The following IQGAP2 variants were observed in gnomAD, a reference collection of about 807,000 sequenced individuals.
IQGAP2 encodes the protein IQ motif containing GTPase activating protein 2.
A neutral mutation model predicts 201.3 loss-of-function variants in IQGAP2; 173 were observed. The observed-to-expected ratio is 0.86, with a 90% CI of 0.76 to 0.98. The LOEUF is 0.98. Among genes scored for constraint, IQGAP2 ranks in the 50% least tolerant of loss-of-function variants. The pLI is 0.00. For missense variants in IQGAP2, 1,687 were observed against 1,864.8 expected (o/e 0.90, Z 1.76); for synonymous variants, 675 against 673.9 (o/e 1.00, Z -0.03).
chr5:76,638,357 C>T (rs1031175608), intron 16 of IQGAP2, among the ~76,000 whole-genome samples: 3 of 151,998 alleles, frequency 2.0e-5, no homozygotes, highest in Admixed American at 2.0e-4. Flanking sequence ...CCAGCCTGGG[C>T]GACAAGAGCT....
intron 30 of IQGAP2, among the ~76,000 whole-genome samples, chr5:76,686,123 A>G (rs1421894440): frequency 2.0e-5 from 3 of 152,126 alleles, no homozygotes; most frequent in African/African-American, 7.2e-5. Context: ...AGAAATGTCT[A>G]TTTAACTCCT....
intron 14 of IQGAP2, 142 bp from the exon 15 acceptor site, chr5:76,631,717 C>T (rs1295751447): frequency 1.9e-6 from 1 of 539,542 alleles, no homozygotes; most frequent in East Asian, 3.2e-5. Flanking sequence ...TTGTGATTGT[C>T]TTGGGCATAT....
rs1245623590 is a variant in IQGAP2, at chr5:76,673,566, C to T, written c.3186C>T (p.Ile1062=). 2.5e-6 allele frequency: 4 copies of T among 1,613,854 alleles called. No homozygotes were observed. Among genetic ancestry groups the T allele is most frequent in the Non-Finnish European group, 3.4e-6 (4 of 1,179,882 alleles). ...RRVTDKVLNS[I]ISSLDLLPYG... is the part of the protein sequence containing the mutation. ...TCACCGACAAAGTCCTGAATTCTAT[C>T]ATTTCTTCCCTTGATCTACTGCCGT... Residue 1062 remains isoleucine, a synonymous_variant, in exon 25 of 36, where the codon ATC becomes ATT. Transcript: ENST00000274364.
At chr5:76,608,203 C>T (rs1441647248) in intron 12 of IQGAP2, 1 of 152,112 alleles carries the variant, frequency 6.6e-6, no homozygotes, top group East Asian at 1.9e-4. Context: ...ATCAAGGTAA[C>T]AGCACTACTA....
At chr5:76,521,065 TTA>T (rs908284267) in intron 2 of IQGAP2, among the ~76,000 whole-genome samples, 1 of 152,234 alleles carries the variant, frequency 6.6e-6, no homozygotes, top group African/African-American at 2.4e-5. Context: ...TTTATAGTTT[TTA>T]TCTCTCTTTA....
intron 10 of IQGAP2, 83 bp from the exon 11 acceptor site, chr5:76,600,729 G>A: frequency 6.7e-7 from 1 of 1,495,478 alleles, no homozygotes; most frequent in South Asian, 1.3e-5. Flanking sequence ...TTTGTTGTTT[G>A]TTGAAATGTG....
At chr5:76,519,399 T>C (rs932259446) in intron 2 of IQGAP2, among the ~76,000 whole-genome samples, 10 of 152,246 alleles carry the variant, frequency 6.6e-5, no homozygotes, top group Non-Finnish European at 1.5e-4. Context: ...TCCTTTTTAT[T>C]GCTGGATAGT....
At chr5:76,463,364 A>T (rs1214281385) in intron 2 of IQGAP2, among the ~76,000 whole-genome samples, 1 of 152,168 alleles carries the variant, frequency 6.6e-6, no homozygotes, top group African/African-American at 2.4e-5. Flanking sequence ...TTACACAAGC[A>T]GCTTGACCTT....
intron 30 of IQGAP2, among the ~76,000 whole-genome samples, chr5:76,687,466 G>A (rs1350731454): frequency 1.3e-5 from 2 of 152,156 alleles, no homozygotes; most frequent in Admixed American, 6.5e-5. Flanking sequence ...GCATTGACAG[G>A]GAACCTGAAA....
At chr5:76,579,588 A>G (rs1164633742) in intron 5 of IQGAP2, among the ~76,000 whole-genome samples, 2 of 152,150 alleles carry the variant, frequency 1.3e-5, no homozygotes, top group Admixed American at 6.5e-5. Flanking sequence ...GCATTGTATA[A>G]TCCATTGTCC....
At chr5:76,460,065 T>C (rs1420593811) in intron 1 of IQGAP2, among the ~76,000 whole-genome samples, 3 of 152,126 alleles carry the variant, frequency 2.0e-5, no homozygotes, top group African/African-American at 7.2e-5. Flanking sequence ...CCCTGACAAA[T>C]TGGCAGGAGA....
At chr5:76,527,651 CT>C (rs1292360137) in intron 2 of IQGAP2, among the ~76,000 whole-genome samples, 2 of 152,320 alleles carry the variant, frequency 1.3e-5, no homozygotes, top group Admixed American at 1.3e-4. Flanking sequence ...GGTATCAGGA[CT>C]TTACAAGGTT....
chr5:76,533,304 A>G (rs1419048562), intron 2 of IQGAP2, among the ~76,000 whole-genome samples: 1 of 152,180 alleles, frequency 6.6e-6, no homozygotes, highest in African/African-American at 2.4e-5. Context: ...GGGATGGTGC[A>G]GTAGAATGTT....
chr5:76,626,995 C>T (rs564031517), intron 13 of IQGAP2, among the ~76,000 whole-genome samples: 1 of 151,916 alleles, frequency 6.6e-6, no homozygotes, highest in Non-Finnish European at 1.5e-5. Flanking sequence ...GCCCCGCCAT[C>T]CCTGAGAAGG....
At chr5:76,426,476 C>G (rs1476602204) in intron 1 of IQGAP2, among the ~76,000 whole-genome samples, 1 of 152,210 alleles carries the variant, frequency 6.6e-6, no homozygotes. Context: ...CCACAGCATT[C>G]CAGAAAAGGG....
intron 2 of IQGAP2, among the ~76,000 whole-genome samples, chr5:76,487,469 A>G (rs913174264): frequency 3.3e-5 from 5 of 152,156 alleles, no homozygotes; most frequent in Admixed American, 6.5e-5. Context: ...GTAAGAAAAA[A>G]GTTTATCTTT....
At chr5:76,482,113 C>T (rs2150145653) in intron 2 of IQGAP2, among the ~76,000 whole-genome samples, 1 of 152,270 alleles carries the variant, frequency 6.6e-6, no homozygotes, top group Non-Finnish European at 1.5e-5. Context: ...CAAGTACTTA[C>T]GCAAATACAA....
chr5:76,517,605 A>C (rs538193185), intron 2 of IQGAP2, among the ~76,000 whole-genome samples: 1 of 93,762 alleles, frequency 1.1e-5, no homozygotes, highest in South Asian at 2.9e-4. Context: ...ACCCTGTTTC[A>C]AAAAAAAAAA....
intron 1 of IQGAP2, among the ~76,000 whole-genome samples, chr5:76,440,087 CTT>C (rs1752945085): frequency 6.6e-6 from 1 of 152,192 alleles, no homozygotes; most frequent in South Asian, 2.1e-4. Flanking sequence ...CTGGAAAAGA[CTT>C]TATTTCTCCT....
Sources: allele counts gnomAD v4.1 joint callset (sites outside exome capture counted in the v4.1 genomes callset), GRCh38; gene constraint gnomAD v4.1.1; transcripts MANE v1.5; gene names NCBI Gene and HGNC (gene_info 2026-07-23, HGNC 2026-07-21).